CACNA1C: variants seen among roughly 807,000 people sequenced by gnomAD.
CACNA1C encodes voltage-dependent L-type calcium channel subunit alpha-1C.
A neutral mutation model predicts 229.0 loss-of-function variants in CACNA1C; 30 were observed. That is an observed-to-expected ratio of 0.13 (90% CI 0.10 to 0.18). CACNA1C has a LOEUF of 0.18. Among genes scored for constraint, CACNA1C ranks in the 10% least tolerant of loss-of-function variants. CACNA1C has a pLI of 1.00. For synonymous variants in CACNA1C, 1,114 were observed against 1,132.5 expected, an observed-to-expected ratio of 0.98 and a Z score of 0.33; for missense variants, 1,658 against 2,845.0, an observed-to-expected ratio of 0.58 and a Z score of 9.49.
At chr12:2,431,237 T>G (rs1012453045) in intron 3 of CACNA1C, among the ~76,000 whole-genome samples, 2 of 152,128 alleles carry the variant, frequency 1.3e-5, no homozygotes, top group African/African-American at 2.4e-5. Context: ...GAGGCTGCAT[T>G]TTTAACCAGT....
intron 3 of CACNA1C, among the ~76,000 whole-genome samples, chr12:2,250,718 G>A (rs1600706835): frequency 6.6e-6 from 1 of 152,046 alleles, no homozygotes; most frequent in African/African-American, 2.4e-5. Context: ...TGTAGCCTTG[G>A]GCACTCATTC....
rs963723109 is a variant in CACNA1C, at chr12:2,002,900, AAAAC to A, written c.139+31711_139+31714del. Among the ~76,000 whole-genome samples, 62 of 150,548 alleles carry A rather than the reference AAAAC, an allele frequency of 4.1e-4. No homozygotes were observed. The Middle Eastern group carries it at 0.014, about 33-fold the overall frequency. On this transcript the variant is annotated intron_variant, in intron 1 of 46. Transcript: ENST00000682462. ...GTAAAAACGAAGGTGACACCTCGAA[AAAAC>A]AAACAAACAAAAACAAACAAAAAAA... is the stretch of plus-strand genomic sequence containing the variant.
chr12:2,523,350 C>T (rs1283972945), intron 9 of CACNA1C, among the ~76,000 whole-genome samples: 4 of 152,154 alleles, frequency 2.6e-5, no homozygotes, highest in Admixed American at 6.5e-5. Context: ...GTGTCAATTC[C>T]GTGACCTATC....
At chr12:2,033,457 G>A (rs1014920238) in intron 1 of CACNA1C, among the ~76,000 whole-genome samples, 2 of 152,064 alleles carry the variant, frequency 1.3e-5, no homozygotes, top group Admixed American at 6.6e-5. Flanking sequence ...ACATAAGGCC[G>A]ACTGTCCCTT....
chr12:2,141,640 C>T (rs1244572840), intron 3 of CACNA1C, among the ~76,000 whole-genome samples: 1 of 151,430 alleles, frequency 6.6e-6, no homozygotes, highest in African/African-American at 2.4e-5. Context: ...AGCACTCAGG[C>T]TCCTCGCTGA....
chr12:2,080,557 C>T (rs139436802), intron 1 of CACNA1C, among the ~76,000 whole-genome samples: 2,576 of 149,160 alleles, frequency 0.017, 62 homozygotes, highest in African/African-American at 0.058. Flanking sequence ...GCCAAGATCG[C>T]GCCACTGCAC....
chr12:2,103,790 C>A (rs1469325273), intron 1 of CACNA1C, among the ~76,000 whole-genome samples: 1 of 152,218 alleles, frequency 6.6e-6, no homozygotes, highest in African/African-American at 2.4e-5. Flanking sequence ...CAGCTTTCCG[C>A]ATATGGCTAG....
chr12:2,104,146 A>G (rs929523769), intron 1 of CACNA1C, among the ~76,000 whole-genome samples: 6 of 152,180 alleles, frequency 3.9e-5, no homozygotes, highest in Non-Finnish European at 5.9e-5. Context: ...GGATAGCATT[A>G]TATCTATAAA....
intron 7 of CACNA1C, among the ~76,000 whole-genome samples, chr12:2,501,209 C>CAAAAAAAAAAAAAAAAAAAAAA (rs59324696): frequency 3.2e-5 from 1 of 31,386 alleles, no homozygotes; most frequent in Non-Finnish European, 5.2e-5. Context: ...GACTCCACCT[C>CAAAAAAAAAAAAAAAAAAAAAA]AAAAAAAAAA....
chr12:2,376,403 G>A (rs1247729286), intron 3 of CACNA1C, among the ~76,000 whole-genome samples: 1 of 151,988 alleles, frequency 6.6e-6, no homozygotes, highest in Non-Finnish European at 1.5e-5. Context: ...TTGAGGAGGG[G>A]GGCAAATAGC....
intron 3 of CACNA1C, among the ~76,000 whole-genome samples, chr12:2,322,517 A>C (rs867145692): frequency 5.9e-5 from 9 of 152,224 alleles, no homozygotes; most frequent in African/African-American, 1.9e-4. Flanking sequence ...GGCTCAGAAC[A>C]GCCCTATGAG....
chr12:2,459,169 G>GTTTTTTTTTT (rs59909090), intron 5 of CACNA1C, among the ~76,000 whole-genome samples: 4 of 109,438 alleles, frequency 3.7e-5, no homozygotes, highest in Admixed American at 9.8e-5. Context: ...TTTTGTGTGT[G>GTTTTTTTTTT]TTTTTTTTTT....
intron 30 of CACNA1C, chr12:2,641,589 C>A: frequency 1.6e-6 from 1 of 622,354 alleles, no homozygotes; most frequent in Non-Finnish European, 2.9e-6. Flanking sequence ...ACAGCCCCCA[C>A]CCCCAACAAA....
At chr12:2,260,346 C>T (rs776334413) in intron 3 of CACNA1C, among the ~76,000 whole-genome samples, 1 of 151,706 alleles carries the variant, frequency 6.6e-6, no homozygotes, top group Non-Finnish European at 1.5e-5. Context: ...CATAATGCCA[C>T]GTGCCTGTAG....
chr12:2,564,569 C>T (rs927718479), intron 11 of CACNA1C, among the ~76,000 whole-genome samples: 1 of 152,138 alleles, frequency 6.6e-6, no homozygotes, highest in Admixed American at 6.5e-5. Context: ...CAGAGCTAAG[C>T]ACCCCATTTT....
chr12:2,416,417 A>T (rs560879357), intron 3 of CACNA1C, among the ~76,000 whole-genome samples: 1 of 152,302 alleles, frequency 6.6e-6, no homozygotes, highest in Non-Finnish European at 1.5e-5. Context: ...AGGGAGGAAG[A>T]AAAAAGAGAA....
At position 2,678,765 on chromosome 12, in the gene CACNA1C, A is replaced by G. The variant is rs561069424; in HGVS notation, c.5092-679A>G. 3.9e-5 allele frequency among the ~76,000 whole-genome samples: 6 copies of G among 152,314 alleles called. No homozygotes were observed. Among genetic ancestry groups the G allele is most frequent in the Non-Finnish European group, 7.4e-5 (5 of 68,012 alleles). Reference sequence around the variant, plus strand: ...ACAACCCGACAAGACACCAGAAACCAAAGCCTCAGTCACCAAGGCCCAGGG... The same window carrying G: ...ACAACCCGACAAGACACCAGAAACCGAAGCCTCAGTCACCAAGGCCCAGGG... On this transcript the variant is annotated intron_variant, in intron 41 of 46. Coordinates refer to ENST00000399655, the MANE Select transcript of CACNA1C (RefSeq NM_000719.7). This position sits in a 1 kb window ranked among gnomAD's most constrained non-coding sequence, Gnocchi z 4.1.
intron 13 of CACNA1C, among the ~76,000 whole-genome samples, chr12:2,578,343 G>A (rs1369159476): frequency 2.0e-5 from 3 of 152,148 alleles, no homozygotes; most frequent in African/African-American, 7.2e-5. Flanking sequence ...AAGTGAGGGG[G>A]CCCGAGGAAG....
chr12:2,327,962 T>C (rs778105194), intron 3 of CACNA1C, among the ~76,000 whole-genome samples: 2 of 152,200 alleles, frequency 1.3e-5, no homozygotes, highest in Non-Finnish European at 2.9e-5. Context: ...TTCTCCTGAA[T>C]ATCCAGTTCA....
Sources: gnomAD v4.1 joint callset for allele counts (sites outside exome capture counted in the v4.1 genomes callset) on GRCh38, gnomAD v4.1.1 for gene constraint, Gnocchi (gnomAD v3.1) non-coding constraint, MANE v1.5 for transcripts, NCBI Gene and HGNC (gene_info 2026-07-23, HGNC 2026-07-21) for gene names.